TENM2: variants seen among roughly 807,000 people sequenced by gnomAD.
TENM2 encodes the protein teneurin-2.
In TENM2, 52 loss-of-function variants were observed where a neutral mutation model predicts 245.2. The ratio of observed to expected loss-of-function variants is 0.21; its 90% CI spans 0.17 to 0.27. The LOEUF (loss-of-function observed/expected upper bound fraction) is 0.27. TENM2 is among the 10% of genes least tolerant of loss of function. The probability of loss-of-function intolerance (pLI) is 1.00; values close to 1 mark genes in which losing one functional copy is unlikely to be tolerated. For synonymous variants in TENM2, 1,363 were observed against 1,438.9 expected (o/e 0.95, Z 1.19); for missense variants, 3,046 against 3,666.8 (o/e 0.83, Z 4.37).
chr5:167,842,614 C>G (rs372692181), intron 2 of TENM2, among the ~76,000 whole-genome samples: 3 of 147,844 alleles, frequency 2.0e-5, no homozygotes, highest in Non-Finnish European at 3.0e-5. Flanking sequence ...AAAAAAGAAC[C>G]CTTTTATCCC....
the TENM2 span, among the ~76,000 whole-genome samples, chr5:167,166,006 T>C: frequency 6.6e-6 from 1 of 152,198 alleles, no homozygotes; most frequent in Non-Finnish European, 1.5e-5. Context: ...AATTTTCTTG[T>C]ATGAATATTC....
At chr5:167,111,743 TATA>T in the TENM2 span, among the ~76,000 whole-genome samples, 1 of 152,230 alleles carries the variant, frequency 6.6e-6, no homozygotes, top group Admixed American at 6.5e-5. Context: ...TAGGTTCAAA[TATA>T]ATCATTTTAC....
intron 3 of TENM2, among the ~76,000 whole-genome samples, chr5:167,950,693 T>C (rs1780018777): frequency 6.6e-6 from 1 of 152,166 alleles, no homozygotes; most frequent in Admixed American, 6.5e-5. Context: ...AGGATCATTA[T>C]TACATCATTT....
At chr5:166,981,039 C>A in the TENM2 span, among the ~76,000 whole-genome samples, 6 of 152,008 alleles carry the variant, frequency 3.9e-5, no homozygotes, top group African/African-American at 1.4e-4. Context: ...TCTTCAGCCC[C>A]AAAAAACAAA....
intron 4 of TENM2, among the ~76,000 whole-genome samples, chr5:167,958,684 A>G (rs1780752808): frequency 6.6e-6 from 1 of 152,122 alleles, no homozygotes; most frequent in Non-Finnish European, 1.5e-5. Context: ...GTGGTGACAA[A>G]AATCTCTCAG....
intron 6 of TENM2, among the ~76,000 whole-genome samples, chr5:168,051,923 GT>G (rs1473256024): frequency 1.3e-5 from 2 of 152,106 alleles, no homozygotes; most frequent in African/African-American, 2.4e-5. Context: ...CATTTAACAA[GT>G]TTCCATGGCC....
intron 2 of TENM2, among the ~76,000 whole-genome samples, chr5:167,871,338 C>G (rs1043667864): frequency 6.6e-6 from 1 of 152,056 alleles, no homozygotes; most frequent in Non-Finnish European, 1.5e-5. Context: ...CCTCACAGTC[C>G]TTCTCAACAC....
intron 2 of TENM2, among the ~76,000 whole-genome samples, chr5:167,452,948 T>TATATATATATATATATATTTTAA (rs10627779): frequency 0.017 from 810 of 47,468 alleles, 79 homozygotes; most frequent in African/African-American, 0.028. Context: ...TATATATATA[T>TATATATATATATATATATTTTAA]ATATATATAT....
rs116241728 is a variant in TENM2 at position 167,380,509 on chromosome 5, C to T, written c.502+5036C>T. Among the ~76,000 whole-genome samples the T allele has an allele frequency of 4.1e-3, 620 of 152,248 alleles. 4 individuals are homozygous for T. The highest frequency in any genetic ancestry group is 0.013 in the African/African-American group (549 of 41,554). ...AGTACTGCACTTTCCAGATTATAAA[C>T]TTTAGTGGCATGGTCTTTAGTTATT... On this transcript the variant is annotated intron_variant, in intron 2 of 28. Transcript: ENST00000518659.
chr5:166,985,047 T>C, the TENM2 span, among the ~76,000 whole-genome samples: 2 of 152,244 alleles, frequency 1.3e-5, no homozygotes, highest in Non-Finnish European at 1.5e-5. Context: ...TAAATGCCAA[T>C]AGGGGTGGTT....
At chr5:168,233,337 A>C (rs1765117517) in intron 25 of TENM2, among the ~76,000 whole-genome samples, 1 of 152,004 alleles carries the variant, frequency 6.6e-6, no homozygotes, top group Non-Finnish European at 1.5e-5. Context: ...AAAAAAAAAG[A>C]AGCAGTTACA....
chr5:167,110,642 G>A, the TENM2 span, among the ~76,000 whole-genome samples: 1 of 152,206 alleles, frequency 6.6e-6, no homozygotes, highest in African/African-American at 2.4e-5. Context: ...ATTGGAAGAA[G>A]AACTGGACTC....
At chr5:168,255,761 C>CGAA (rs767770648) in intron 27 of TENM2, among the ~76,000 whole-genome samples, 4 of 152,094 alleles carry the variant, frequency 2.6e-5, no homozygotes, top group Non-Finnish European at 5.9e-5. Context: ...AGTAAGCCTA[C>CGAA]TTTCCCATTC....
chr5:167,586,865 G>T (rs1775534265), intron 2 of TENM2, among the ~76,000 whole-genome samples: 1 of 86,760 alleles, frequency 1.2e-5, no homozygotes, highest in South Asian at 3.8e-4. Context: ...TATCTAAGTT[G>T]TTGAAAAAAT....
intron 23 of TENM2, among the ~76,000 whole-genome samples, chr5:168,219,500 G>A (rs1763477478): frequency 6.6e-6 from 1 of 152,096 alleles, no homozygotes; most frequent in African/African-American, 2.4e-5. Context: ...GCGAGAGCTG[G>A]TCATATTTCC....
intron 2 of TENM2, among the ~76,000 whole-genome samples, chr5:167,747,461 T>C (rs2150625900): frequency 6.6e-6 from 1 of 152,288 alleles, no homozygotes; most frequent in East Asian, 1.9e-4. Flanking sequence ...GAAAGAGCCA[T>C]TTCTATTCTA....
intron 2 of TENM2, among the ~76,000 whole-genome samples, chr5:167,432,802 A>T: frequency 6.6e-6 from 1 of 152,082 alleles, no homozygotes; most frequent in Non-Finnish European, 1.5e-5. Context: ...AAAAAGTCAA[A>T]CTTTGTATTC....
intron 2 of TENM2, among the ~76,000 whole-genome samples, chr5:167,795,785 G>A (rs1433645041): frequency 6.6e-6 from 1 of 152,194 alleles, no homozygotes; most frequent in East Asian, 1.9e-4. Context: ...GGTAACTAAT[G>A]ACTGTCAAGA....
At chr5:167,844,787 AG>A (rs1383957858) in intron 2 of TENM2, among the ~76,000 whole-genome samples, 6 of 149,786 alleles carry the variant, frequency 4.0e-5, no homozygotes, top group Non-Finnish European at 8.9e-5. Context: ...ATCTCAATGC[AG>A]GTTTGAGTTT....
Sources: allele counts gnomAD v4.1 joint callset (sites outside exome capture counted in the v4.1 genomes callset), GRCh38; gene constraint gnomAD v4.1.1; transcripts MANE v1.5; gene names NCBI Gene and HGNC (gene_info 2026-07-23, HGNC 2026-07-21).